LARGE1: variants seen among roughly 807,000 people sequenced by gnomAD.
The protein encoded by LARGE1 is xylosyl- and glucuronyltransferase LARGE1.
LARGE1 carries 43 observed loss-of-function variants against 87.6 expected under a neutral mutation model. The observed-to-expected ratio is 0.49, with a 90% confidence interval of 0.38 to 0.63. The LOEUF is 0.63. Among genes scored for constraint, LARGE1 ranks in the 30% least tolerant of loss-of-function variants. The pLI is 0.00. For missense variants in LARGE1, 802 were observed against 1,000.2 expected, an observed-to-expected ratio of 0.80 and a Z score of 2.67; for synonymous variants, 434 against 394.6, an observed-to-expected ratio of 1.10 and a Z score of -1.18.
Position 33,272,555 on chromosome 22 carries a change from T to A in LARGE1, c.*1872A>T, listed in dbSNP as rs2145786468. Among the ~76,000 whole-genome samples, 1 of 152,342 alleles carries A rather than the reference T, an allele frequency of 6.6e-6. No individual in the cohort carries two copies. Among genetic ancestry groups the A allele is most frequent in the Non-Finnish European group, 1.5e-5 (1 of 68,024 alleles). On this transcript the variant is annotated 3_prime_UTR_variant, in exon 15 of 15. Coordinates refer to ENST00000397394, the MANE Select transcript of LARGE1 (RefSeq NM_133642.5). ...TTATACATATATGTCACTTTTTATT[T>A]ATAAATGCTTTGTATATAGGCTATA...
chr22:33,201,411 AGAAGGAAG>A (rs373979045), intron 11 of LARGE1, among the ~76,000 whole-genome samples: 2,134 of 142,108 alleles, frequency 0.015, 18 homozygotes, highest in Non-Finnish European at 0.023. Flanking sequence ...AGGAAGAAAA[AGAAGGAAG>A]GAAGGAAGGA....
chr22:33,424,865 T>C (rs980871799), intron 7 of LARGE1, among the ~76,000 whole-genome samples: 2 of 151,938 alleles, frequency 1.3e-5, no homozygotes, highest in Non-Finnish European at 2.9e-5. Flanking sequence ...TAAAATACTT[T>C]AAAATCCTAA....
chr22:33,412,082 G>A (rs2066324501), intron 7 of LARGE1, among the ~76,000 whole-genome samples: 1 of 152,116 alleles, frequency 6.6e-6, no homozygotes, highest in South Asian at 2.1e-4. Context: ...TCAGGAGTTC[G>A]AGACCAGCCT....
At chr22:33,835,093 C>T (rs1162825619) in intron 1 of LARGE1, among the ~76,000 whole-genome samples, 2 of 152,216 alleles carry the variant, frequency 1.3e-5, no homozygotes, top group African/African-American at 4.8e-5. Context: ...CAATGGCTAG[C>T]ACTCTCCACC....
intron 5 of LARGE1, among the ~76,000 whole-genome samples, chr22:33,570,033 G>C (rs951627569): frequency 3.9e-5 from 6 of 152,218 alleles, no homozygotes; most frequent in Non-Finnish European, 8.8e-5. Context: ...AACAGAAGAG[G>C]CATAGTTTGT....
chr22:33,625,714 G>A (rs1053661609), intron 4 of LARGE1, among the ~76,000 whole-genome samples: 1 of 152,098 alleles, frequency 6.6e-6, no homozygotes, highest in African/African-American at 2.4e-5. Context: ...TGTTCACATG[G>A]TCTGTGTTTG....
At chr22:33,095,542 T>C in the LARGE1 span, among the ~76,000 whole-genome samples, 1 of 152,184 alleles carries the variant, frequency 6.6e-6, no homozygotes, top group Non-Finnish European at 1.5e-5. Flanking sequence ...GGTTAAGACT[T>C]CAAAAATATC....
intron 9 of LARGE1, among the ~76,000 whole-genome samples, chr22:33,355,728 C>G (rs117277666): frequency 0.1 from 8,939 of 89,466 alleles, 357 homozygotes; most frequent in South Asian, 0.23. Flanking sequence ...CCTGAGCCTT[C>G]TATAGGGGAG....
At chr22:33,431,280 G>A (rs1295818727) in intron 7 of LARGE1, among the ~76,000 whole-genome samples, 1 of 152,150 alleles carries the variant, frequency 6.6e-6, no homozygotes, top group African/African-American at 2.4e-5. Flanking sequence ...GCTAGCATAG[G>A]GCCTCGTACA....
intron 9 of LARGE1, among the ~76,000 whole-genome samples, chr22:33,353,753 G>A (rs148188274): frequency 6.6e-6 from 1 of 152,316 alleles, no homozygotes; most frequent in Non-Finnish European, 1.5e-5. Flanking sequence ...TGAAAAGAGA[G>A]TATGTGGAAT....
rs547021564 is a variant in LARGE1, at chr22:33,332,389, C to T, written c.1287+5257G>A. ...TTCCGCCATGATTGTGAGGCCTCCC[C>T]AGCCATGTGGAACTGTGAGTCAATT... On this transcript the variant is annotated intron_variant, in intron 10 of 14. Coordinates refer to ENST00000397394, the MANE Select transcript of LARGE1 (RefSeq NM_133642.5). 2.0e-5 allele frequency among the ~76,000 whole-genome samples: 3 copies of T among 152,328 alleles called. No homozygotes were observed. In the East Asian group the frequency reaches 5.8e-4, roughly 29 times the overall value.
chr22:33,072,304 GGGA>G, the LARGE1 span, among the ~76,000 whole-genome samples: 2 of 152,114 alleles, frequency 1.3e-5, no homozygotes, highest in East Asian at 1.9e-4. Context: ...GAGGAGGTGG[GGGA>G]GGAGGAGGAG....
chr22:33,365,618 T>C (rs540771866), intron 9 of LARGE1, among the ~76,000 whole-genome samples: 25 of 141,646 alleles, frequency 1.8e-4, no homozygotes, highest in East Asian at 1.6e-3. Context: ...TTTTCTCTCT[T>C]TTTTTTTTTT....
At chr22:33,071,101 A>G in the LARGE1 span, among the ~76,000 whole-genome samples, 1 of 152,264 alleles carries the variant, frequency 6.6e-6, no homozygotes, top group South Asian at 2.1e-4. Flanking sequence ...GAGATTTGCA[A>G]GACATGTTGG....
chr22:33,314,577 T>C (rs912631047), intron 11 of LARGE1, among the ~76,000 whole-genome samples: 1 of 152,242 alleles, frequency 6.6e-6, no homozygotes, highest in African/African-American at 2.4e-5. Context: ...TGCCAGGCAC[T>C]GTTCTCGGCA....
At chr22:33,763,166 G>A (rs2084791173) in intron 1 of LARGE1, among the ~76,000 whole-genome samples, 1 of 152,202 alleles carries the variant, frequency 6.6e-6, no homozygotes, top group Admixed American at 6.5e-5. Flanking sequence ...GTCAGCTGCA[G>A]GTGCCTGATA....
chr22:33,741,793 T>C lies in LARGE1; in HGVS notation c.106+19578A>G, dbSNP rs569908491. Among the ~76,000 whole-genome samples the C allele has an allele frequency of 1.6e-4, 24 of 152,290 alleles. No homozygotes were observed. The South Asian group carries it at 5.0e-3, about 32-fold the overall frequency. On this transcript the variant is annotated intron_variant, in intron 2 of 14. Transcript: ENST00000397394. ...GAAAGAGCTCTGTCCTGCAATCACC[T>C]TGCAAGAAATCCAACCTTTCCAAAG...
At chr22:33,790,155 C>T (rs1456195126) in intron 1 of LARGE1, among the ~76,000 whole-genome samples, 1 of 152,142 alleles carries the variant, frequency 6.6e-6, no homozygotes, top group African/African-American at 2.4e-5. Context: ...GTGAATAAGT[C>T]TTATGAGATC....
At chr22:33,325,505 G>A (rs138548514) in intron 10 of LARGE1, among the ~76,000 whole-genome samples, 1 of 152,308 alleles carries the variant, frequency 6.6e-6, no homozygotes, top group Non-Finnish European at 1.5e-5. Context: ...AAGGAGCCTG[G>A]GTCCTTCAAC....
Sources: gnomAD v4.1 joint callset for allele counts (sites outside exome capture counted in the v4.1 genomes callset) on GRCh38, gnomAD v4.1.1 for gene constraint, MANE v1.5 for transcripts, NCBI Gene and HGNC (gene_info 2026-07-23, HGNC 2026-07-21) for gene names.